FGF18: variants seen among roughly 807,000 people sequenced by gnomAD.
The protein encoded by FGF18 is fibroblast growth factor 18.
Under a neutral mutation model 23.0 loss-of-function variants are expected in FGF18, and 5 were observed. The ratio of observed to expected loss-of-function variants is 0.22; its 90% confidence interval spans 0.11 to 0.46. The LOEUF is 0.46. Ranked by LOEUF, FGF18 falls within the 20% of genes least tolerant of loss-of-function variation. The pLI, the probability that FGF18 is intolerant of heterozygous loss-of-function variation, is 0.99. For synonymous variants in FGF18, 117 were observed against 118.9 expected (o/e 0.98, Z 0.10); for missense variants, 180 against 291.6 (o/e 0.62, Z 2.79).
At chr5:171,441,355 C>T (rs1056498694) in intron 3 of FGF18, among the ~76,000 whole-genome samples, 10 of 152,208 alleles carry the variant, frequency 6.6e-5, no homozygotes, top group African/African-American at 9.6e-5. Context: ...GCAGGCCTGG[C>T]GTGCCTGGCT....
rs1772052623 is a variant in FGF18, at chr5:171,423,619, G to A, written c.69+3176G>A. 3.9e-5 allele frequency among the ~76,000 whole-genome samples: 6 copies of A among 152,216 alleles called. No individual in the cohort carries two copies. In the South Asian group the frequency reaches 6.2e-4, roughly 16 times the overall value. On this transcript the variant is annotated intron_variant, in intron 2 of 4. Coordinates refer to ENST00000274625, the MANE Select transcript of FGF18 (RefSeq NM_003862.3). ...CCACAAGAAGTGTTCAAGTTTGGAA[G>A]TTTCCTTCCACGCCCCCTCTCGGCC...
At chr5:171,432,660 C>A (rs567037382) in intron 2 of FGF18, among the ~76,000 whole-genome samples, 1 of 152,306 alleles carries the variant, frequency 6.6e-6, no homozygotes, top group East Asian at 1.9e-4. Flanking sequence ...GAACTCCTGG[C>A]CTCAAGCGAT....
rs1169321356 is a variant in FGF18 at position 171,456,150 on chromosome 5, G to C, written c.358-389G>C. On this transcript the variant is annotated intron_variant, in intron 4 of 4. Transcript: ENST00000274625. The surrounding 1 kb of genome is among the most constrained non-coding windows in gnomAD (Gnocchi z 6.1). ...TCTGTGCACTTCTTTGTAAAATCCA[G>C]TTTTAGCAAGAGCCCTGCTAAGTCA... is the stretch of plus-strand genomic sequence containing the variant. Among the ~76,000 whole-genome samples, 4 of 152,226 alleles carry C rather than the reference G, an allele frequency of 2.6e-5. No homozygotes were observed. In the East Asian group the frequency reaches 5.8e-4, roughly 22 times the overall value.
chr5:171,438,108 T>C (rs1772281206), intron 3 of FGF18, among the ~76,000 whole-genome samples: 1 of 150,432 alleles, frequency 6.6e-6, no homozygotes, highest in Non-Finnish European at 1.5e-5. Flanking sequence ...TCTTTTTTTT[T>C]TTTTTTTTGA....
Position 171,434,988 on chromosome 5 carries a change from C to A in FGF18, c.70-1105C>A, listed in dbSNP as rs913931805. 3.3e-5 allele frequency among the ~76,000 whole-genome samples: 5 copies of A among 152,056 alleles called. No individual in the cohort carries two copies. In the South Asian group the frequency reaches 1.0e-3, roughly 32 times the overall value. ...AGGAGGTGACATTTGAGCAGAGACC[C>A]GAGTGAGCTCAAGGGGTTAGAATGT... On this transcript the variant is annotated intron_variant, in intron 2 of 4. Coordinates refer to ENST00000274625, the MANE Select transcript of FGF18 (RefSeq NM_003862.3). This position sits in a 1 kb window ranked among gnomAD's most constrained non-coding sequence, Gnocchi z 4.6.
At chr5:171,438,099 CT>C (rs372013681) in intron 3 of FGF18, among the ~76,000 whole-genome samples, 26,856 of 135,432 alleles carry the variant, frequency 0.2, 2,288 homozygotes, top group South Asian at 0.28. Context: ...TTTTTCTTTT[CT>C]TTTTTTTTTT....
intron 2 of FGF18, among the ~76,000 whole-genome samples, chr5:171,433,799 G>A (rs1183473708): frequency 2.6e-5 from 4 of 152,198 alleles, no homozygotes; most frequent in Admixed American, 2.6e-4. Flanking sequence ...AGGTTGTCAG[G>A]ACTATCAAAA....
chr5:171,420,700 G>T lies in FGF18; in HGVS notation c.69+257G>T, dbSNP rs374700534. On this transcript the variant is annotated intron_variant, in intron 2 of 4. Transcript: ENST00000274625. Reference sequence around the variant, plus strand: ...CCACTGTCGGCCTCGGCTGGGAGGAGATCCCGCAGAGCCGGCGGGCTCAGC... The same window carrying T: ...CCACTGTCGGCCTCGGCTGGGAGGATATCCCGCAGAGCCGGCGGGCTCAGC... 2.2e-3 allele frequency among the ~76,000 whole-genome samples: 329 copies of T among 152,310 alleles called. 3 individuals carry two copies. Among genetic ancestry groups the T allele is most frequent in the African/African-American group, 7.4e-3 (309 of 41,570 alleles).
intron 2 of FGF18, among the ~76,000 whole-genome samples, chr5:171,423,481 C>T (rs1488756725): frequency 6.6e-6 from 1 of 152,216 alleles, no homozygotes; most frequent in African/African-American, 2.4e-5. Flanking sequence ...CCCAGACAGA[C>T]CAGGCATGAG....
intron 3 of FGF18, among the ~76,000 whole-genome samples, chr5:171,439,960 C>A (rs1044984064): frequency 3.9e-5 from 6 of 152,154 alleles, no homozygotes; most frequent in African/African-American, 1.4e-4. Context: ...CCCAGAATAA[C>A]CCTGGGCAGG....
At chr5:171,428,327 A>C (rs139227642) in intron 2 of FGF18, among the ~76,000 whole-genome samples, 1 of 152,204 alleles carries the variant, frequency 6.6e-6, no homozygotes, top group African/African-American at 2.4e-5. Context: ...GGGCACAGAG[A>C]GGGCCAGCAC....
chr5:171,446,914 A>G (rs775065533), intron 3 of FGF18, among the ~76,000 whole-genome samples: 1 of 152,180 alleles, frequency 6.6e-6, no homozygotes, highest in Non-Finnish European at 1.5e-5. Context: ...AGTTCAGGTC[A>G]TAGTGCAAGA....
At chr5:171,421,993 G>T (rs906400647) in intron 2 of FGF18, among the ~76,000 whole-genome samples, 1 of 152,102 alleles carries the variant, frequency 6.6e-6, no homozygotes, top group Non-Finnish European at 1.5e-5. Flanking sequence ...CACTCCAGGG[G>T]GTCTGCTTGT....
rs1051312646 is a variant in FGF18, at chr5:171,427,003, G to A, written c.69+6560G>A. On this transcript the variant is annotated intron_variant, in intron 2 of 4. Coordinates refer to ENST00000274625, the MANE Select transcript of FGF18 (RefSeq NM_003862.3). ...ACAGGCAGATCACTTGAGGTCAGGA[G>A]TTTGAGACCAGCCTGGCCAACATGG... Among the ~76,000 whole-genome samples the A allele has an allele frequency of 7.9e-5, 12 of 152,176 alleles. 1 individual carries two copies. Among genetic ancestry groups the A allele is most frequent in the Admixed American group, 7.9e-4 (12 of 15,284 alleles).
In FGF18 at chr5:171,451,538, G is replaced by T. The variant is rs1274730568; in HGVS notation, c.357+2285G>T. Among the ~76,000 whole-genome samples, 1 of 152,140 alleles carries T rather than the reference G, an allele frequency of 6.6e-6. No homozygotes were observed. The highest frequency in any genetic ancestry group is 1.5e-5 in the Non-Finnish European group (1 of 68,018). Reference sequence around the variant, plus strand: ...CATCCCGGAAATCGTTGCCCCAGCCGCCTGGCGTGTGGCTTCTGCATCTCC... The same window carrying T: ...CATCCCGGAAATCGTTGCCCCAGCCTCCTGGCGTGTGGCTTCTGCATCTCC... On this transcript the variant is annotated intron_variant, in intron 4 of 4. Coordinates refer to ENST00000274625, the MANE Select transcript of FGF18 (RefSeq NM_003862.3). The surrounding 1 kb of genome is among the most constrained non-coding windows in gnomAD (Gnocchi z 4.5).
intron 3 of FGF18, among the ~76,000 whole-genome samples, chr5:171,446,027 T>C (rs899551856): frequency 2.0e-5 from 3 of 152,152 alleles, no homozygotes; most frequent in Non-Finnish European, 2.9e-5. Context: ...TCTCTCTCCC[T>C]CTCTCTCTTT....
chr5:171,441,728 A>G (rs181560459), intron 3 of FGF18, among the ~76,000 whole-genome samples: 1 of 152,206 alleles, frequency 6.6e-6, no homozygotes, highest in Non-Finnish European at 1.5e-5. Context: ...TCCCCAGTAC[A>G]CAGGGCCAAC....
intron 4 of FGF18, among the ~76,000 whole-genome samples, chr5:171,450,964 G>T (rs1008572990): frequency 2.6e-5 from 4 of 152,034 alleles, no homozygotes; most frequent in African/African-American, 7.2e-5. Context: ...GCCGCGGCCC[G>T]CCCTCGCCGT....
intron 3 of FGF18, among the ~76,000 whole-genome samples, chr5:171,444,044 G>C (rs950052265): frequency 8.5e-6 from 1 of 117,494 alleles, no homozygotes; most frequent in Admixed American, 8.2e-5. Context: ...CCAGCCCTGG[G>C]TGGTCCTGAG....
Sources: gnomAD v4.1 joint callset for allele counts (sites outside exome capture counted in the v4.1 genomes callset) on GRCh38, gnomAD v4.1.1 for gene constraint, Gnocchi (gnomAD v3.1) non-coding constraint, MANE v1.5 for transcripts, NCBI Gene and HGNC (gene_info 2026-07-23, HGNC 2026-07-21) for gene names.